Variants in RP1L1 observed in about 807,000 individuals in gnomAD.
The protein encoded by RP1L1 is retinitis pigmentosa 1-like 1 protein.
In RP1L1, 27 loss-of-function variants were observed where a neutral mutation model predicts 15.7. The observed-to-expected ratio is 1.72, with a 90% CI of 1.27 to 2.38. The LOEUF (loss-of-function observed/expected upper bound fraction) is 2.38, where lower values mean the gene tolerates loss of function less well. Ranked by LOEUF, RP1L1 falls within the 30% of genes most tolerant of loss-of-function variation. The pLI is 0.00. For missense variants in RP1L1, 4,798 were observed against 3,075.9 expected (o/e 1.56, Z -13.24); for synonymous variants, 1,813 against 1,276.7 (o/e 1.42, Z -8.96).
At chr8:10,635,204 GC>G (rs1176359709) in intron 1 of RP1L1, among the ~76,000 whole-genome samples, 1 of 152,164 alleles carries the variant, frequency 6.6e-6, no homozygotes, top group African/African-American at 2.4e-5. Flanking sequence ...CCGGGACCTG[GC>G]TTTCCCCTCT....
rs1797766865 is a variant in RP1L1, at chr8:10,608,858, T to C, written c.5240A>G (p.Glu1747Gly). 1 of 1,613,798 alleles carries C rather than the reference T, an allele frequency of 6.2e-7. No individual in the cohort carries two copies. Among genetic ancestry groups the C allele is most frequent in the Non-Finnish European group, 8.5e-7 (1 of 1,180,034 alleles). The change falls in exon 4 of 4, where the codon GAG (glutamate) becomes GGG (glycine). Residue 1747 changes from glutamate to glycine, a missense_variant. By Grantham distance (98) the Glu-to-Gly change is moderately conservative (BLOSUM62 -2). Transcript: ENST00000382483. Reference sequence around the variant, plus strand: ...GTCTCTGTTGAGTCTCTGGCTCCCCTCGCCATCCTCACCCTCGTCCACTCC... The same window carrying C: ...GTCTCTGTTGAGTCTCTGGCTCCCCCCGCCATCCTCACCCTCGTCCACTCC... ...GPGVDEGEDG[E>G]GSQRLNRDKD...
At position 10,611,781 on chromosome 8, in the gene RP1L1, G is replaced by A; in HGVS notation, c.2317C>T (p.Pro773Ser). The stretch of plus-strand genomic sequence containing the variant: ...GATGTGTGGGGAGGTATGGGGGCCG[G>A]CGAGCATGTCCTGGACCCCGCGTCC... Reference protein sequence around the residue: ...AGDAGSRTCSPAPIPPHTSDS... With the variant: ...AGDAGSRTCSSAPIPPHTSDS... Residue 773 changes from proline (P) to serine (S), a missense_variant, in exon 4 of 4, where the codon CCG becomes TCG. Transcript: ENST00000382483. 3.7e-6 allele frequency: 6 copies of A among 1,613,666 alleles called. No individual in the cohort carries two copies. The highest frequency in any genetic ancestry group is 5.1e-6 in the Non-Finnish European group (6 of 1,180,016).
At chr8:10,631,782 G>A (rs1798256762) in intron 1 of RP1L1, among the ~76,000 whole-genome samples, 1 of 152,224 alleles carries the variant, frequency 6.6e-6, no homozygotes, top group African/African-American at 2.4e-5. Context: ...GCCCACCCCT[G>A]AACAGACGAA....
At chr8:10,654,365 C>T (rs190389002) in intron 1 of RP1L1, among the ~76,000 whole-genome samples, 5 of 152,096 alleles carry the variant, frequency 3.3e-5, no homozygotes, top group African/African-American at 1.2e-4. Context: ...TTGATAGGGA[C>T]CTTCTATGCC....
chr8:10,628,105 A>C (rs962965105), intron 1 of RP1L1, among the ~76,000 whole-genome samples: 1 of 152,202 alleles, frequency 6.6e-6, no homozygotes, highest in African/African-American at 2.4e-5. Context: ...CAGGTTCATG[A>C]GCCCAACTAG....
Position 10,607,040 on chromosome 8 carries a change from T to G in RP1L1, c.7058A>C (p.Glu2353Ala), listed in dbSNP as rs752786898. 3.7e-6 allele frequency: 6 copies of G among 1,614,074 alleles called. No homozygotes were observed. The South Asian group carries it at 6.6e-5, about 18-fold the overall frequency. The change falls in exon 4 of 4, where the codon GAA becomes GCA. Residue 2353 changes from glutamate to alanine, a missense_variant. Glu to Ala is a moderately radical substitution (Grantham distance 107). Transcript: ENST00000382483. ...MYPESSTSEQ[E>A]EAPLGSRTPE... ...AGTCCTTGAGCCCAAAGGGGCCTCT[T>G]CTTGCTCAGAAGTAGAACTTTCTGG...
chr8:10,634,767 G>A (rs1035175463), intron 1 of RP1L1, among the ~76,000 whole-genome samples: 8 of 152,042 alleles, frequency 5.3e-5, no homozygotes, highest in Admixed American at 2.6e-4. Flanking sequence ...CACCAGCCCC[G>A]GGGACCCCTG....
intron 1 of RP1L1, among the ~76,000 whole-genome samples, chr8:10,632,398 T>G (rs1798266115): frequency 6.6e-6 from 1 of 152,220 alleles, no homozygotes; most frequent in East Asian, 1.9e-4. Flanking sequence ...ATGTTTTCAT[T>G]TAACTCATTG....
At chr8:10,616,392 A>G (rs942438853) in intron 3 of RP1L1, 54 bp downstream of exon 3, 2 of 1,611,818 alleles carry the variant, frequency 1.2e-6, no homozygotes, top group African/African-American at 2.7e-5. Flanking sequence ...ACTCAGCCCT[A>G]CTGAACCACC....
chr8:10,623,783 A>G (rs1291123477), intron 1 of RP1L1, among the ~76,000 whole-genome samples: 7 of 151,656 alleles, frequency 4.6e-5, no homozygotes, highest in Admixed American at 4.6e-4. Context: ...TGTCCCCAGC[A>G]CAGCACCACA....
Position 10,627,126 on chromosome 8 carries a change from T to C in RP1L1, c.-19-3906A>G, listed in dbSNP as rs73662880. On this transcript the variant is annotated intron_variant, in intron 1 of 3. Transcript: ENST00000382483. The stretch of plus-strand genomic sequence containing the variant: ...ATTGCCACATGATCCAGAAATCCCA[T>C]TTGTGGGTATCTCCCCAAAAGAACT... 8.7e-3 allele frequency among the ~76,000 whole-genome samples: 1,330 copies of C among 152,218 alleles called. 17 individuals are homozygous for C. Among genetic ancestry groups the C allele is most frequent in the African/African-American group, 0.03 (1,250 of 41,544 alleles).
intron 1 of RP1L1, among the ~76,000 whole-genome samples, chr8:10,650,427 CTT>C (rs1232522207): frequency 1.3e-5 from 2 of 152,194 alleles, no homozygotes; most frequent in African/African-American, 4.8e-5. Context: ...TAAATGCAAA[CTT>C]GCGTTATCCA....
chr8:10,624,553 C>T (rs1004433451), intron 1 of RP1L1, among the ~76,000 whole-genome samples: 6 of 152,172 alleles, frequency 3.9e-5, no homozygotes, highest in African/African-American at 1.4e-4. Context: ...AAATTAGGAC[C>T]ACAGCAAATA....
intron 1 of RP1L1, among the ~76,000 whole-genome samples, chr8:10,647,295 G>A (rs769687436): frequency 6.6e-6 from 1 of 152,258 alleles, no homozygotes; most frequent in African/African-American, 2.4e-5. Flanking sequence ...AGCCTGCTAT[G>A]GTTGTCGCTC....
rs375690102 is a variant in RP1L1, at chr8:10,654,126, G to A, written c.-20+772C>T. On this transcript the variant is annotated intron_variant, in intron 1 of 3. Transcript: ENST00000382483. Reference sequence around the variant, plus strand: ...GGCCATGGATCTCTGCTCACTTGCCGTTGGAACCACTGATCTCCCCTAAGC... The same window carrying A: ...GGCCATGGATCTCTGCTCACTTGCCATTGGAACCACTGATCTCCCCTAAGC... 3.1e-4 allele frequency among the ~76,000 whole-genome samples: 47 copies of A among 152,274 alleles called. 1 individual carries two copies. The highest frequency in any genetic ancestry group is 1.1e-3 in the African/African-American group (44 of 41,560).
In RP1L1 at chr8:10,622,598, T is replaced by A. The variant is rs536018538; in HGVS notation, c.604A>T (p.Lys202Ter). 6.2e-7 allele frequency: 1 copy of A among 1,614,198 alleles called. No individual in the cohort carries two copies. Among genetic ancestry groups the A allele is most frequent in the Non-Finnish European group, 8.5e-7 (1 of 1,180,040 alleles). The stretch of plus-strand genomic sequence containing the variant: ...GTCAGACCCCAACAGCCTACCTTTT[T>A]CCCGCTGGTCGTGTACAACTGCTTC... ...PVKQLYTTSG[K>*]KVDSLQALLH... The change falls in exon 2 of 4, where the codon AAA (lysine) becomes TAA (stop). Residue 202 changes from lysine to a stop codon, truncating the protein, a stop_gained. Coordinates refer to ENST00000382483, the MANE Select transcript of RP1L1 (RefSeq NM_178857.6). LOFTEE classifies it high-confidence loss of function.
intron 3 of RP1L1, among the ~76,000 whole-genome samples, chr8:10,613,681 C>G (rs1458384291): frequency 1.3e-5 from 2 of 151,042 alleles, no homozygotes; most frequent in African/African-American, 4.9e-5. Context: ...AGCTTCCTAG[C>G]TACTCGGAAG....
In RP1L1 at chr8:10,609,132, A is replaced by G. The variant is rs1192820283; in HGVS notation, c.4966T>C (p.Phe1656Leu). The G allele has an allele frequency of 6.2e-7, 1 of 1,611,358 alleles. No individual in the cohort carries two copies. Among genetic ancestry groups the G allele is most frequent in the Admixed American group, 1.7e-5 (1 of 59,832 alleles). ...CTCACGCAGGCCTCGCAGGGACAGA[A>G]CTCCTCCCCCTCCGCCTCCTCGCCC... ...QLGEEAEGEE[F>L]CPCEACVRKK... is the part of the protein sequence containing the mutation. Residue 1656 changes from phenylalanine (F) to leucine (L), a missense_variant, in exon 4 of 4, where the codon TTC becomes CTC. Coordinates refer to ENST00000382483, the MANE Select transcript of RP1L1 (RefSeq NM_178857.6).
intron 1 of RP1L1, among the ~76,000 whole-genome samples, chr8:10,629,912 TC>T (rs1379218072): frequency 6.6e-6 from 1 of 152,144 alleles, no homozygotes; most frequent in Non-Finnish European, 1.5e-5. Context: ...AGACCACTTA[TC>T]CCCTACTCCC....
Sources: allele counts gnomAD v4.1 joint callset (sites outside exome capture counted in the v4.1 genomes callset), GRCh38; gene constraint gnomAD v4.1.1; transcripts MANE v1.5; gene names NCBI Gene and HGNC (gene_info 2026-07-23, HGNC 2026-07-21).